SGCZ: variants seen among roughly 807,000 people sequenced by gnomAD.
SGCZ encodes zeta-sarcoglycan.
A neutral mutation model predicts 41.3 loss-of-function variants in SGCZ; 40 were observed. The observed-to-expected ratio is 0.97, with a 90% CI of 0.75 to 1.26. The LOEUF (loss-of-function observed/expected upper bound fraction) is 1.26, where lower values mean the gene tolerates loss of function less well. Among genes scored for constraint, SGCZ ranks in the 50% most tolerant of loss-of-function variants. SGCZ has a pLI of 0.00. For synonymous variants in SGCZ, 206 were observed against 137.5 expected (o/e 1.50, Z -3.49); for missense variants, 552 against 369.8 (o/e 1.49, Z -4.04).
chr8:14,306,525 G>T (rs1801357467), intron 3 of SGCZ, among the ~76,000 whole-genome samples: 1 of 152,156 alleles, frequency 6.6e-6, no homozygotes, highest in African/African-American at 2.4e-5. Context: ...ATGAGCAGGA[G>T]TATTTTGATT....
chr8:14,393,081 T>C (rs908573771), intron 2 of SGCZ, among the ~76,000 whole-genome samples: 4 of 152,194 alleles, frequency 2.6e-5, no homozygotes, highest in African/African-American at 9.7e-5. Flanking sequence ...TATAAAGAAG[T>C]GCCTATGAAT....
At chr8:14,426,393 G>A (rs1455839056) in intron 2 of SGCZ, among the ~76,000 whole-genome samples, 8 of 152,128 alleles carry the variant, frequency 5.3e-5, no homozygotes, top group East Asian at 3.9e-4. Context: ...ACAGAAGGTA[G>A]TTACTGATCT....
intron 1 of SGCZ, among the ~76,000 whole-genome samples, chr8:14,908,342 G>C (rs1203287864): frequency 6.6e-6 from 1 of 152,060 alleles, no homozygotes; most frequent in Non-Finnish European, 1.5e-5. Flanking sequence ...TTTACCTAGT[G>C]GCCATTGTAT....
chr8:14,618,433 A>G (rs1419910630), intron 1 of SGCZ, among the ~76,000 whole-genome samples: 1 of 152,174 alleles, frequency 6.6e-6, no homozygotes, highest in South Asian at 2.1e-4. Flanking sequence ...CAGAAAGTCC[A>G]GTATAGAGGT....
intron 1 of SGCZ, among the ~76,000 whole-genome samples, chr8:14,782,301 G>A (rs1800616184): frequency 6.6e-6 from 1 of 152,174 alleles, no homozygotes; most frequent in Non-Finnish European, 1.5e-5. Flanking sequence ...TTTCAATACA[G>A]TGTACTTTGT....
chr8:15,005,310 C>G (rs1451877535), intron 1 of SGCZ, among the ~76,000 whole-genome samples: 1 of 97,448 alleles, frequency 1.0e-5, no homozygotes, highest in Non-Finnish European at 2.3e-5. Context: ...ACGCCCCCTC[C>G]CCCGTTTTTT....
chr8:15,195,300 T>C (rs1270927615), intron 1 of SGCZ, among the ~76,000 whole-genome samples: 2 of 152,136 alleles, frequency 1.3e-5, no homozygotes, highest in Non-Finnish European at 1.5e-5. Context: ...GAGGATGGTG[T>C]GCAGGACCTG....
At chr8:15,186,085 A>AT (rs1274047020) in intron 1 of SGCZ, among the ~76,000 whole-genome samples, 8 of 120,868 alleles carry the variant, frequency 6.6e-5, no homozygotes, top group Admixed American at 5.0e-4. Flanking sequence ...AAATAAATAA[A>AT]AAATAAATAA....
At chr8:14,196,563 C>G (rs911940718) in intron 4 of SGCZ, among the ~76,000 whole-genome samples, 2 of 152,190 alleles carry the variant, frequency 1.3e-5, no homozygotes, top group South Asian at 4.2e-4. Flanking sequence ...TAAAAACCTA[C>G]GTATATACAC....
chr8:15,228,817 T>C (rs1439526356), intron 1 of SGCZ, among the ~76,000 whole-genome samples: 1 of 152,238 alleles, frequency 6.6e-6, no homozygotes, highest in African/African-American at 2.4e-5. Flanking sequence ...ACAACTATCG[T>C]AGACAAATGA....
intron 1 of SGCZ, among the ~76,000 whole-genome samples, chr8:15,002,084 G>C (rs1563426410): frequency 6.6e-6 from 1 of 152,090 alleles, no homozygotes; most frequent in Non-Finnish European, 1.5e-5. Flanking sequence ...GAAAATGGCA[G>C]TCAAATGTGC....
rs1801494842 is a variant in SGCZ at position 14,085,364 on chromosome 8, C to T, written c.*5079G>A. On this transcript the variant is annotated 3_prime_UTR_variant, in exon 8 of 8. Coordinates refer to ENST00000382080, the MANE Select transcript of SGCZ (RefSeq NM_139167.4). ...TTGTATAAATAACGAGACACTCAAACTCCAGATTACATATCTCCATTGTTA... is the reference window on the plus strand; with the variant it reads ...TTGTATAAATAACGAGACACTCAAATTCCAGATTACATATCTCCATTGTTA... Among the ~76,000 whole-genome samples, 1 of 151,756 alleles carries T rather than the reference C, an allele frequency of 6.6e-6. No individual in the cohort carries two copies. Among genetic ancestry groups the T allele is most frequent in the South Asian group, 2.1e-4 (1 of 4,828 alleles).
chr8:15,166,068 C>T (rs1262339407), intron 1 of SGCZ, among the ~76,000 whole-genome samples: 1 of 152,116 alleles, frequency 6.6e-6, no homozygotes, highest in African/African-American at 2.4e-5. Flanking sequence ...AAACCTCGAA[C>T]ATTTAATAGC....
At chr8:15,223,947 TG>T (rs1488071897) in intron 1 of SGCZ, among the ~76,000 whole-genome samples, 2 of 152,116 alleles carry the variant, frequency 1.3e-5, no homozygotes, top group East Asian at 3.9e-4. Context: ...CTCCACCTCC[TG>T]GGTCCAAGTG....
In SGCZ at chr8:14,894,705, T is replaced by A. The variant is rs1029148040; in HGVS notation, c.40-339779A>T. 2.6e-5 allele frequency among the ~76,000 whole-genome samples: 4 copies of A among 152,212 alleles called. No individual in the cohort carries two copies. The East Asian group carries it at 5.8e-4, about 22-fold the overall frequency. The stretch of plus-strand genomic sequence containing the variant: ...ATATGGTCAAATGAAATAAAAGCTT[T>A]GTTGTCTTTAGAAACTACTTCAGGT... On this transcript the variant is annotated intron_variant, in intron 1 of 7. Coordinates refer to ENST00000382080, the MANE Select transcript of SGCZ (RefSeq NM_139167.4).
chr8:15,222,810 T>A (rs1415183430), intron 1 of SGCZ, among the ~76,000 whole-genome samples: 1 of 152,028 alleles, frequency 6.6e-6, no homozygotes, highest in East Asian at 1.9e-4. Flanking sequence ...GGTGTGTGTG[T>A]GTGTGACTAA....
At chr8:15,063,460 G>T (rs116332101) in intron 1 of SGCZ, among the ~76,000 whole-genome samples, 250 of 152,196 alleles carry the variant, frequency 1.6e-3, no homozygotes, top group African/African-American at 5.7e-3. Flanking sequence ...AAATAATTCA[G>T]AAACTCGACT....
At chr8:14,347,754 A>T (rs916904691) in intron 2 of SGCZ, among the ~76,000 whole-genome samples, 4 of 152,090 alleles carry the variant, frequency 2.6e-5, no homozygotes, top group African/African-American at 9.7e-5. Flanking sequence ...TTGGGAAGCC[A>T]TGGGAAAGAA....
intron 4 of SGCZ, among the ~76,000 whole-genome samples, chr8:14,183,580 G>C (rs553812094): frequency 1.3e-5 from 2 of 152,282 alleles, no homozygotes; most frequent in East Asian, 3.9e-4. Context: ...ACTACCTTGA[G>C]AGTTTGAAAG....
Sources: gnomAD v4.1 joint callset for allele counts (sites outside exome capture counted in the v4.1 genomes callset) on GRCh38, gnomAD v4.1.1 for gene constraint, MANE v1.5 for transcripts, NCBI Gene and HGNC (gene_info 2026-07-23, HGNC 2026-07-21) for gene names.